The following UCK2 variants were observed in gnomAD, a reference collection of about 807,000 sequenced individuals.
UCK2 encodes the protein cytidine monophosphokinase 2.
A neutral mutation model predicts 30.8 loss-of-function variants in UCK2; 6 were observed. The ratio of observed to expected loss-of-function variants is 0.19; its 90% CI spans 0.11 to 0.38. UCK2 has a LOEUF of 0.38. UCK2 is among the 10% of genes least tolerant of loss of function. UCK2 has a pLI of 1.00. For missense variants in UCK2, 210 were observed against 339.8 expected, an observed-to-expected ratio of 0.62 and a Z score of 3.00; for synonymous variants, 125 against 133.6, an observed-to-expected ratio of 0.94 and a Z score of 0.45.
chr1:165,871,774 A>G (rs1477488430), intron 1 of UCK2, among the ~76,000 whole-genome samples: 1 of 152,228 alleles, frequency 6.6e-6, no homozygotes, highest in Non-Finnish European at 1.5e-5. Flanking sequence ...TGAATATAAC[A>G]TGATAAAATC....
At chr1:165,842,479 C>T (rs1654354439) in intron 1 of UCK2, among the ~76,000 whole-genome samples, 1 of 152,212 alleles carries the variant, frequency 6.6e-6, no homozygotes, top group South Asian at 2.1e-4. Flanking sequence ...TCTCTCCACA[C>T]AGATGTACAA....
At chr1:165,847,698 T>G (rs1296848874) in intron 1 of UCK2, among the ~76,000 whole-genome samples, 1 of 151,982 alleles carries the variant, frequency 6.6e-6, no homozygotes, top group East Asian at 1.9e-4. Flanking sequence ...ATTGCATCCT[T>G]GAACTCCTGA....
chr1:165,904,205 C>A (rs943983967), intron 5 of UCK2: 3 of 152,192 alleles, frequency 2.0e-5, no homozygotes, highest in Non-Finnish European at 4.4e-5. Context: ...TTTATTCTAA[C>A]AATAAACTTC....
intron 5 of UCK2, 51 bp from the exon 6 acceptor site, chr1:165,905,870 G>A: frequency 1.3e-6 from 2 of 1,577,604 alleles, no homozygotes. Context: ...AGGGTCTCGG[G>A]CCAGTTGTCT....
intron 1 of UCK2, among the ~76,000 whole-genome samples, chr1:165,835,724 C>CT (rs1229467675): frequency 6.6e-6 from 1 of 152,026 alleles, no homozygotes; most frequent in Non-Finnish European, 1.5e-5. Context: ...GTTTATTTTT[C>CT]TTTTTTCCTC....
intron 3 of UCK2, 116 bp downstream of exon 3, chr1:165,891,438 C>A: frequency 1.1e-6 from 1 of 882,538 alleles, no homozygotes; most frequent in Non-Finnish European, 1.8e-6. Flanking sequence ...CTACCCCTGC[C>A]TAATGCCATT....
At chr1:165,887,156 G>A (rs2101879565) in intron 1 of UCK2, among the ~76,000 whole-genome samples, 1 of 152,300 alleles carries the variant, frequency 6.6e-6, no homozygotes, top group South Asian at 2.1e-4. Flanking sequence ...TGGAGTGTTT[G>A]GCACAGGGAC....
intron 1 of UCK2, among the ~76,000 whole-genome samples, chr1:165,850,953 T>A (rs1373413825): frequency 3.8e-5 from 4 of 106,318 alleles, no homozygotes; most frequent in African/African-American, 1.4e-4. Flanking sequence ...TTTTTTTTTT[T>A]TAATAGAGAA....
intron 1 of UCK2, among the ~76,000 whole-genome samples, chr1:165,870,338 A>T (rs1420450105): frequency 1.4e-5 from 2 of 142,560 alleles, no homozygotes; most frequent in African/African-American, 5.3e-5. Context: ...CAGGGTTCTC[A>T]TTTGAATGTC....
intron 1 of UCK2, among the ~76,000 whole-genome samples, chr1:165,860,856 C>T (rs184997312): frequency 6.6e-6 from 1 of 152,232 alleles, no homozygotes; most frequent in Admixed American, 6.5e-5. Context: ...AGAGTAGGAA[C>T]CAAGTCTGCA....
rs148663885 is a variant in UCK2 at position 165,880,564 on chromosome 1, G to T, written c.100-9640G>T. On this transcript the variant is annotated intron_variant, in intron 1 of 6. Coordinates refer to ENST00000367879, the MANE Select transcript of UCK2 (RefSeq NM_012474.5). ...GCCTAGATCCATTCAGTTTTTTTTG[G>T]GGGTGTGTGTGTGTGTGTGTGTGTG... Among the ~76,000 whole-genome samples, 481 of 99,952 alleles carry T rather than the reference G, an allele frequency of 4.8e-3. 3 individuals are homozygous for T. The highest frequency in any genetic ancestry group is 0.01 in the African/African-American group (305 of 30,366). 65.6% of individuals were successfully genotyped at this position (99,952 alleles called of 152,430 possible).
intron 1 of UCK2, among the ~76,000 whole-genome samples, chr1:165,871,607 G>A (rs962814431): frequency 6.6e-6 from 1 of 152,128 alleles, no homozygotes; most frequent in Non-Finnish European, 1.5e-5. Flanking sequence ...CTGCTGGATT[G>A]GTGCCCTCTT....
At chr1:165,831,853 C>T (rs1654057168) in intron 1 of UCK2, among the ~76,000 whole-genome samples, 1 of 152,170 alleles carries the variant, frequency 6.6e-6, no homozygotes, top group Non-Finnish European at 1.5e-5. Context: ...GCAACCTCCA[C>T]CTCCTGGGTT....
chr1:165,853,609 C>CTAAACATCATCCTTACCCAGAAT (rs1654655772), intron 1 of UCK2, among the ~76,000 whole-genome samples: 1 of 151,994 alleles, frequency 6.6e-6, no homozygotes, highest in South Asian at 2.1e-4. Flanking sequence ...GCTTCCCTCA[C>CTAAACATCATCCTTACCCAGAAT]TAAACATCAT....
intron 1 of UCK2, among the ~76,000 whole-genome samples, chr1:165,845,944 G>A (rs1654437773): frequency 6.6e-6 from 1 of 152,272 alleles, no homozygotes; most frequent in South Asian, 2.1e-4. Flanking sequence ...TGGGGTTACA[G>A]GTATGAGCCA....
At chr1:165,845,242 C>T (rs192089853) in intron 1 of UCK2, among the ~76,000 whole-genome samples, 4 of 152,236 alleles carry the variant, frequency 2.6e-5, no homozygotes, top group African/African-American at 4.8e-5. Flanking sequence ...GGGGAGAAAT[C>T]GCCATACGTT....
chr1:165,864,132 G>C (rs901366911), intron 1 of UCK2, among the ~76,000 whole-genome samples: 10 of 152,132 alleles, frequency 6.6e-5, no homozygotes, highest in Non-Finnish European at 2.9e-5. Flanking sequence ...ATTTTTAGTA[G>C]AGACAGGCTT....
At chr1:165,888,170 A>C (rs1434880342) in intron 1 of UCK2, among the ~76,000 whole-genome samples, 27 of 152,132 alleles carry the variant, frequency 1.8e-4, no homozygotes. Flanking sequence ...AAAAGATTTC[A>C]TATTTTTGTT....
At chr1:165,904,791 G>A (rs10918309) in intron 5 of UCK2, among the ~76,000 whole-genome samples, 36,060 of 152,132 alleles carry the variant, frequency 0.24, 5,293 homozygotes, top group East Asian at 0.49. Flanking sequence ...TTGAGGTGTG[G>A]TTTATGTGTT....
Sources: gnomAD v4.1 joint callset for allele counts (sites outside exome capture counted in the v4.1 genomes callset) on GRCh38, gnomAD v4.1.1 for gene constraint, MANE v1.5 for transcripts, NCBI Gene and HGNC (gene_info 2026-07-23, HGNC 2026-07-21) for gene names.